Variants in AK4 observed in about 807,000 individuals in gnomAD.
AK4 encodes the protein adenylate kinase 4.
Under a neutral mutation model 24.6 loss-of-function variants are expected in AK4, and 13 were observed. That is an observed-to-expected ratio of 0.53 (90% CI 0.34 to 0.84). AK4 has a LOEUF of 0.84. AK4 is among the 40% of genes least tolerant of loss of function. The pLI is 0.01. For synonymous variants in AK4, 88 were observed against 107.0 expected (o/e 0.82, Z 1.10); for missense variants, 192 against 288.2 (o/e 0.67, Z 2.42).
intron 1 of AK4, among the ~76,000 whole-genome samples, chr1:65,184,012 C>A (rs184161410): frequency 3.3e-4 from 50 of 152,110 alleles, no homozygotes; most frequent in Admixed American, 2.8e-3. Flanking sequence ...TTTGTGTTAT[C>A]GTATAATTTT....
intron 2 of AK4, among the ~76,000 whole-genome samples, chr1:65,195,761 A>G (rs2101048269): frequency 6.6e-6 from 1 of 152,312 alleles, no homozygotes; most frequent in East Asian, 1.9e-4. Flanking sequence ...AGTGTTTGTC[A>G]TTATTTTGTG....
chr1:65,227,396 T>A lies in AK4; in HGVS notation c.*1219T>A, dbSNP rs1652498980. On this transcript the variant is annotated 3_prime_UTR_variant, in exon 5 of 5. Transcript: ENST00000327299. ...AAACAAATTCTTTATTTTTTTTTTC[T>A]GTTCCAAAGATTCATCCTATGGGGT... The A allele has an allele frequency of 6.6e-6, 1 of 152,544 alleles. No homozygotes were observed. The highest frequency in any genetic ancestry group is 2.1e-4 in the South Asian group (1 of 4,816). 9.4% of individuals were successfully genotyped at this position (152,544 alleles called of 1,614,324 possible).
chr1:65,151,081 G>A (rs973237088), intron 1 of AK4, among the ~76,000 whole-genome samples: 1 of 152,056 alleles, frequency 6.6e-6, no homozygotes, highest in African/African-American at 2.4e-5. Flanking sequence ...AGCCTCCCAA[G>A]TAGCTGGGAT....
intron 2 of AK4, among the ~76,000 whole-genome samples, chr1:65,193,127 C>T (rs1424501910): frequency 6.6e-6 from 1 of 152,246 alleles, no homozygotes; most frequent in Non-Finnish European, 1.5e-5. Context: ...GGGCTGTCTG[C>T]AGTGGCTCTG....
intron 2 of AK4, among the ~76,000 whole-genome samples, chr1:65,210,398 C>T (rs899257749): frequency 2.0e-5 from 3 of 152,106 alleles, no homozygotes; most frequent in Non-Finnish European, 2.9e-5. Flanking sequence ...ATATCCGCTT[C>T]GGTTTCTTTA....
chr1:65,224,444 T>C (rs1472751476), intron 3 of AK4, among the ~76,000 whole-genome samples: 1 of 152,190 alleles, frequency 6.6e-6, no homozygotes, highest in Non-Finnish European at 1.5e-5. Context: ...CAAGGTTTGT[T>C]GTTAGGAGAG....
chr1:65,152,380 ATATATTTTTTTTTTTTTTTTTT>A lies in AK4; in HGVS notation c.145+3830_145+3851del, dbSNP rs1649822492. Among the ~76,000 whole-genome samples the A allele has an allele frequency of 9.1e-5, 4 of 44,002 alleles. No homozygotes were observed. In the Admixed American group the frequency reaches 1.2e-3, roughly 13 times the overall value. The allele number at this position is 44,002 out of a possible 152,430, so 28.9% of individuals were successfully genotyped here. A position where few individuals can be genotyped will look rare whatever the true frequency, so the allele number is the denominator to read the frequency against. On this transcript the variant is annotated intron_variant, in intron 1 of 4. Transcript: ENST00000327299. Reference sequence around the variant, plus strand: ...TCTCTCTATATATATATATATATATATATATTTTTTTTTTTTTTTTTTTTTTTTTTTTTTTTTTTTGAGCCGG... The same window carrying A: ...TCTCTCTATATATATATATATATATATTTTTTTTTTTTTTTTTTGAGCCGG...
intron 1 of AK4, among the ~76,000 whole-genome samples, chr1:65,163,844 A>G (rs999400668): frequency 6.6e-6 from 1 of 152,026 alleles, no homozygotes; most frequent in Non-Finnish European, 1.5e-5. Flanking sequence ...CTGATTAGTC[A>G]GGTTGGAGAT....
chr1:65,193,608 A>G (rs937204078), intron 2 of AK4, among the ~76,000 whole-genome samples: 3 of 152,168 alleles, frequency 2.0e-5, no homozygotes, highest in South Asian at 2.1e-4. Flanking sequence ...ATCTGCTGAC[A>G]GTAAGGGGTG....
intron 2 of AK4, among the ~76,000 whole-genome samples, chr1:65,206,231 A>G (rs1051897236): frequency 1.3e-5 from 2 of 152,204 alleles, no homozygotes; most frequent in African/African-American, 4.8e-5. Flanking sequence ...GCCAGTACCT[A>G]TAACAGTGCT....
chr1:65,174,156 C>T (rs1057185514), intron 1 of AK4, among the ~76,000 whole-genome samples: 9 of 152,156 alleles, frequency 5.9e-5, no homozygotes, highest in Non-Finnish European at 1.2e-4. Context: ...AATAGTTTCC[C>T]TCTTCACCCT....
intron 1 of AK4, 40 bp from the exon 2 acceptor site, chr1:65,190,670 A>G (rs750384864): frequency 3.1e-6 from 5 of 1,599,012 alleles, no homozygotes; most frequent in East Asian, 2.2e-5. Context: ...TGTTTGGGAA[A>G]TTTTCTTGAA....
At chr1:65,223,295 T>C (rs1652350912) in intron 3 of AK4, among the ~76,000 whole-genome samples, 2 of 152,078 alleles carry the variant, frequency 1.3e-5, no homozygotes, top group African/African-American at 4.8e-5. Context: ...TTCAAGTGAT[T>C]CTCCTGCCTC....
At chr1:65,156,079 T>G (rs1316391520) in intron 1 of AK4, among the ~76,000 whole-genome samples, 1 of 152,270 alleles carries the variant, frequency 6.6e-6, no homozygotes, top group African/African-American at 2.4e-5. Context: ...TGTTAAATAC[T>G]GTTTTTTAAT....
intron 2 of AK4, among the ~76,000 whole-genome samples, chr1:65,207,318 GA>G (rs1651841892): frequency 6.6e-6 from 1 of 152,100 alleles, no homozygotes; most frequent in African/African-American, 2.4e-5. Flanking sequence ...TTGGGCACAA[GA>G]AGTCCTCCCA....
rs918923973 is a variant in AK4 at position 65,221,838 on chromosome 1, C to T, written c.438+2912C>T. On this transcript the variant is annotated intron_variant, in intron 3 of 4. Transcript: ENST00000327299. ...CAATTACCATGCTGCTTTTGAAGAC[C>T]ATAGTGAAAGTGCTAACCTAGACCA... Among the ~76,000 whole-genome samples the T allele has an allele frequency of 1.1e-4, 16 of 152,290 alleles. 3 individuals are homozygous for T. Among genetic ancestry groups the T allele is most frequent in the Non-Finnish European group, 5.9e-5 (4 of 68,028 alleles).
intron 2 of AK4, among the ~76,000 whole-genome samples, chr1:65,192,385 A>C (rs145329107): frequency 6.6e-6 from 1 of 152,320 alleles, no homozygotes; most frequent in African/African-American, 2.4e-5. Context: ...GCATTAACTC[A>C]TTCATGAGGG....
chr1:65,154,617 C>A, intron 1 of AK4: 1 of 499,322 alleles, frequency 2.0e-6, no homozygotes, highest in South Asian at 1.4e-5. Context: ...TCCGTCAGTA[C>A]GCGAACGATA....
chr1:65,210,466 C>T (rs1229019444), intron 2 of AK4, among the ~76,000 whole-genome samples: 1 of 152,152 alleles, frequency 6.6e-6, no homozygotes, highest in Non-Finnish European at 1.5e-5. Flanking sequence ...ACAGTTTCCC[C>T]CACCCTCCTC....
Sources: gnomAD v4.1 joint callset for allele counts (sites outside exome capture counted in the v4.1 genomes callset) on GRCh38, gnomAD v4.1.1 for gene constraint, MANE v1.5 for transcripts, NCBI Gene and HGNC (gene_info 2026-07-23, HGNC 2026-07-21) for gene names.